FCHSD2: variants seen among roughly 807,000 people sequenced by gnomAD.
The protein encoded by FCHSD2 is F-BAR and double SH3 domains protein 2.
FCHSD2 carries 38 observed loss-of-function variants against 108.1 expected under a neutral mutation model. The ratio of observed to expected loss-of-function variants is 0.35; its 90% CI spans 0.27 to 0.46. The LOEUF (loss-of-function observed/expected upper bound fraction) is 0.46. FCHSD2 is among the 20% of genes least tolerant of loss of function. FCHSD2 has a pLI of 1.00. For synonymous variants in FCHSD2, 279 were observed against 314.7 expected, an observed-to-expected ratio of 0.89 and a Z score of 1.20; for missense variants, 751 against 897.8, an observed-to-expected ratio of 0.84 and a Z score of 2.09.
At chr11:72,984,542 G>C (rs1307597534) in intron 7 of FCHSD2, among the ~76,000 whole-genome samples, 1 of 152,122 alleles carries the variant, frequency 6.6e-6, no homozygotes, top group Admixed American at 6.5e-5. Context: ...CAAAGGTATG[G>C]GTAAAATCTA....
chr11:73,096,041 CA>C (rs966758927), intron 2 of FCHSD2, among the ~76,000 whole-genome samples: 2 of 150,110 alleles, frequency 1.3e-5, no homozygotes, highest in African/African-American at 4.9e-5. Flanking sequence ...CAAAACAAAA[CA>C]AAAAAACCTT....
chr11:72,977,163 C>A (rs992805955), intron 8 of FCHSD2, among the ~76,000 whole-genome samples: 2 of 152,114 alleles, frequency 1.3e-5, no homozygotes, highest in African/African-American at 4.8e-5. Context: ...ACCTTGTGAT[C>A]CACCTGCCTT....
intron 4 of FCHSD2, among the ~76,000 whole-genome samples, chr11:73,011,524 C>G (rs557845417): frequency 3.3e-4 from 51 of 152,338 alleles, no homozygotes; most frequent in African/African-American, 1.2e-3. Context: ...CCTAGTGATG[C>G]TGGACCCCAG....
At chr11:73,051,742 A>G (rs1265898395) in intron 3 of FCHSD2, among the ~76,000 whole-genome samples, 1 of 152,180 alleles carries the variant, frequency 6.6e-6, no homozygotes, top group Non-Finnish European at 1.5e-5. Flanking sequence ...AAACAACAAA[A>G]AAAATTTGAA....
intron 3 of FCHSD2, among the ~76,000 whole-genome samples, chr11:73,021,034 G>A (rs570172851): frequency 3.2e-4 from 49 of 151,916 alleles, no homozygotes; most frequent in African/African-American, 7.2e-4. Context: ...ATGCCACTGC[G>A]ACCAGCTAAG....
intron 3 of FCHSD2, among the ~76,000 whole-genome samples, chr11:73,060,079 G>A (rs2135486727): frequency 6.6e-6 from 1 of 152,272 alleles, no homozygotes; most frequent in East Asian, 1.9e-4. Context: ...TGCTATCAGA[G>A]ATGACTAACA....
At chr11:72,940,425 T>C (rs946312665) in intron 8 of FCHSD2, 7 of 604,762 alleles carry the variant, frequency 1.2e-5, no homozygotes, top group East Asian at 2.7e-5. Context: ...ATGAGGTTAG[T>C]ATAATATGTG....
At chr11:72,904,606 G>T (rs1026735602) in intron 9 of FCHSD2, among the ~76,000 whole-genome samples, 3 of 152,072 alleles carry the variant, frequency 2.0e-5, no homozygotes, top group Non-Finnish European at 4.4e-5. Context: ...ACATCTAAAA[G>T]GACTCTTTTA....
chr11:72,948,421 C>T (rs1044543561), intron 8 of FCHSD2, among the ~76,000 whole-genome samples: 8 of 152,112 alleles, frequency 5.3e-5, no homozygotes, highest in African/African-American at 1.9e-4. Context: ...ATCTCATTGT[C>T]ATCATCAAGC....
At chr11:72,844,663 A>C (rs945104713) in intron 14 of FCHSD2, among the ~76,000 whole-genome samples, 1 of 152,138 alleles carries the variant, frequency 6.6e-6, no homozygotes, top group African/African-American at 2.4e-5. Context: ...GCTCTCTAGA[A>C]AACAGTCTTA....
In FCHSD2 at chr11:73,142,308, CG is replaced by C. The variant is rs1861273608; in HGVS notation, c.-432del. 1 of 151,484 alleles carries C rather than the reference CG, an allele frequency of 6.6e-6. No homozygotes were observed. Among genetic ancestry groups the C allele is most frequent in the Non-Finnish European group, 1.5e-5 (1 of 67,872 alleles). The allele number at this position is 151,484 out of a possible 1,614,324, so 9.4% of individuals were successfully genotyped here. On this transcript the variant is annotated 5_prime_UTR_variant, in exon 1 of 20. Coordinates refer to ENST00000409418, the MANE Select transcript of FCHSD2 (RefSeq NM_014824.3). ...CCCCACCCCACCCACTCAGGCGGCC[CG>C]GCCCTCGCTGGGCCTAACGCCCCCG... is the stretch of plus-strand genomic sequence containing the variant.
intron 14 of FCHSD2, among the ~76,000 whole-genome samples, chr11:72,844,124 C>G (rs906740532): frequency 4.5e-4 from 68 of 152,248 alleles, no homozygotes; most frequent in African/African-American, 1.6e-3. Flanking sequence ...AATGACAATC[C>G]TGCCATTTTC....
At chr11:73,110,188 G>C (rs544929183) in intron 2 of FCHSD2, among the ~76,000 whole-genome samples, 1 of 152,014 alleles carries the variant, frequency 6.6e-6, no homozygotes, top group African/African-American at 2.4e-5. Flanking sequence ...TTGGTATCAG[G>C]GTACTGCTGG....
At chr11:73,071,797 A>T (rs1234548495) in intron 3 of FCHSD2, among the ~76,000 whole-genome samples, 2 of 152,192 alleles carry the variant, frequency 1.3e-5, no homozygotes, top group African/African-American at 4.8e-5. Context: ...GTCCACAATT[A>T]TAAAATGGGA....
intron 12 of FCHSD2, among the ~76,000 whole-genome samples, chr11:72,868,314 CAT>C (rs1236107660): frequency 6.6e-6 from 1 of 152,112 alleles, no homozygotes; most frequent in Non-Finnish European, 1.5e-5. Context: ...CATACGGACA[CAT>C]GAGTGGGGGA....
chr11:73,139,980 T>C (rs1273993106), intron 2 of FCHSD2, 51 bp downstream of exon 2: 6 of 1,026,464 alleles, frequency 5.8e-6, no homozygotes, highest in Non-Finnish European at 7.0e-6. Flanking sequence ...AACTCAAAGG[T>C]TCTTTGAAAC....
chr11:73,103,997 C>T (rs1396959650), intron 2 of FCHSD2, among the ~76,000 whole-genome samples: 1 of 152,176 alleles, frequency 6.6e-6, no homozygotes, highest in African/African-American at 2.4e-5. Flanking sequence ...AATACTAATA[C>T]AAAAATACAA....
At chr11:73,105,422 C>T (rs1860320154) in intron 2 of FCHSD2, among the ~76,000 whole-genome samples, 1 of 152,132 alleles carries the variant, frequency 6.6e-6, no homozygotes, top group South Asian at 2.1e-4. Flanking sequence ...ATCTACCAGG[C>T]TCTTTATTTG....
At chr11:72,860,371 A>G (rs1343110994) in intron 13 of FCHSD2, among the ~76,000 whole-genome samples, 1 of 152,220 alleles carries the variant, frequency 6.6e-6, no homozygotes, top group Non-Finnish European at 1.5e-5. Flanking sequence ...ACCAAGATAT[A>G]CGTTTATACT....
Sources: gnomAD v4.1 joint callset for allele counts (sites outside exome capture counted in the v4.1 genomes callset) on GRCh38, gnomAD v4.1.1 for gene constraint, MANE v1.5 for transcripts, NCBI Gene and HGNC (gene_info 2026-07-23, HGNC 2026-07-21) for gene names.